IL1RAPL2: variants seen among roughly 807,000 people sequenced by gnomAD.
IL1RAPL2 encodes the protein interleukin 1 receptor accessory protein like 2.
IL1RAPL2 carries 3 observed loss-of-function variants against 44.1 expected under a neutral mutation model. The observed-to-expected ratio is 0.07, with a 90% CI of 0.03 to 0.18. The LOEUF (loss-of-function observed/expected upper bound fraction) is 0.18. IL1RAPL2 is among the 10% of genes least tolerant of loss of function. The pLI is 1.00. For synonymous variants in IL1RAPL2, 181 were observed against 178.8 expected, an observed-to-expected ratio of 1.01 and a Z score of -0.10; for missense variants, 391 against 496.4, an observed-to-expected ratio of 0.79 and a Z score of 2.02.
intron 2 of IL1RAPL2, among the ~76,000 whole-genome samples, chrX:104,717,510 C>G (rs975822929): frequency 9.4e-6 from 1 of 106,263 alleles, no homozygotes; most frequent in African/African-American, 3.4e-5. Context: ...AGGGTTCATA[C>G]AAAAATGGGA....
At chrX:105,713,472 C>A (rs1409959100) in intron 6 of IL1RAPL2, among the ~76,000 whole-genome samples, 1 of 111,598 alleles carries the variant, frequency 9.0e-6, no homozygotes, top group Non-Finnish European at 1.9e-5. Flanking sequence ...TTAAAACCAT[C>A]AGATCTCATG....
intron 2 of IL1RAPL2, among the ~76,000 whole-genome samples, chrX:104,875,618 C>CT (rs1053857617): frequency 1.8e-5 from 2 of 111,372 alleles, no homozygotes; most frequent in South Asian, 3.8e-4. Flanking sequence ...GTCTGGAACT[C>CT]TTTTCCCCCC....
intron 2 of IL1RAPL2, among the ~76,000 whole-genome samples, chrX:104,787,518 A>T: frequency 9.0e-6 from 1 of 111,520 alleles, no homozygotes; most frequent in Non-Finnish European, 1.9e-5. Flanking sequence ...AGAACAGATG[A>T]TGGGGGAGGT....
intron 2 of IL1RAPL2, among the ~76,000 whole-genome samples, chrX:105,038,352 C>T (rs773025179): frequency 3.6e-5 from 4 of 111,829 alleles, no homozygotes; most frequent in Non-Finnish European, 7.5e-5. Context: ...TGCTGGATAT[C>T]ATACTCTCTT....
At chrX:105,201,467 A>G (rs2033717433) in intron 3 of IL1RAPL2, among the ~76,000 whole-genome samples, 1 of 112,198 alleles carries the variant, frequency 8.9e-6, no homozygotes, top group Admixed American at 9.4e-5. Context: ...ACTTGATTTT[A>G]TTGTCACTTA....
intron 2 of IL1RAPL2, among the ~76,000 whole-genome samples, chrX:104,950,384 G>A (rs1478425011): frequency 8.9e-6 from 1 of 112,556 alleles, no homozygotes; most frequent in Non-Finnish European, 1.9e-5. Flanking sequence ...GTCAGACAGG[G>A]ACGTTTAAGT....
chrX:105,702,455 C>T (rs1258552887), intron 6 of IL1RAPL2, among the ~76,000 whole-genome samples: 1 of 112,076 alleles, frequency 8.9e-6, no homozygotes, highest in African/African-American at 3.2e-5. Flanking sequence ...TTATTCCCTA[C>T]ACGAGGTAAA....
chrX:105,159,319 G>T (rs2033300471), intron 2 of IL1RAPL2, among the ~76,000 whole-genome samples: 1 of 111,973 alleles, frequency 8.9e-6, no homozygotes, highest in Non-Finnish European at 1.9e-5. Flanking sequence ...AATTTCAAGT[G>T]CTGATGTTAT....
chrX:105,341,103 A>C (rs1360401175), intron 5 of IL1RAPL2, among the ~76,000 whole-genome samples: 2 of 111,549 alleles, frequency 1.8e-5, no homozygotes, highest in Non-Finnish European at 3.8e-5. Flanking sequence ...TTCAACACAG[A>C]CTTTTTTGTT....
chrX:104,863,053 G>A (rs765926909), intron 2 of IL1RAPL2, among the ~76,000 whole-genome samples: 24 of 111,944 alleles, frequency 2.1e-4, no homozygotes, highest in African/African-American at 7.1e-4. Flanking sequence ...AAAACACAAT[G>A]TTGGCAGTTT....
intron 1 of IL1RAPL2, among the ~76,000 whole-genome samples, chrX:104,632,334 T>A (rs1357055445): frequency 9.0e-6 from 1 of 111,533 alleles, no homozygotes; most frequent in Non-Finnish European, 1.9e-5. Context: ...GGCTCTTTTT[T>A]GGTTCCATAT....
chrX:105,580,568 C>A (rs996385396), intron 6 of IL1RAPL2, among the ~76,000 whole-genome samples: 8 of 110,543 alleles, frequency 7.2e-5, no homozygotes, highest in African/African-American at 2.6e-4. Context: ...CAGAATAGCC[C>A]GAATTCTAAG....
rs371650196 is a variant in IL1RAPL2, at chrX:105,767,088, G to T, written c.1488G>T (p.Met496Ile). ...AACTGGAAAGCAGACTCCATAACAT[G>T]CTAGTCAGTGGAGAAATCAAAGTGA... is the stretch of plus-strand genomic sequence containing the variant. ...IFELESRLHN[M>I]LVSGEIKVIL... The change falls in exon 11 of 11, where the codon ATG becomes ATT. Residue 496 changes from methionine (M) to isoleucine (I), a missense_variant. Met to Ile is a conservative substitution (Grantham distance 10, BLOSUM62 1). Coordinates refer to ENST00000372582, the MANE Select transcript of IL1RAPL2 (RefSeq NM_017416.2). 18 of 1,206,103 alleles carry T rather than the reference G, an allele frequency of 1.5e-5. No individual in the cohort carries two copies. In the African/African-American group the frequency reaches 3.2e-4, roughly 21 times the overall value.
Position 105,229,217 on chromosome X carries a change from A to G in IL1RAPL2, c.357-4601A>G, listed in dbSNP as rs781871378. ...GAACCAGCCTGGGGCATTTTTCAAA[A>G]TAAAATCTAAATAATGCAAGATTGT... is the stretch of plus-strand genomic sequence containing the variant. On this transcript the variant is annotated intron_variant, in intron 3 of 10. Coordinates refer to ENST00000372582, the MANE Select transcript of IL1RAPL2 (RefSeq NM_017416.2). Among the ~76,000 whole-genome samples, 22 of 112,182 alleles carry G rather than the reference A, an allele frequency of 2.0e-4. 1 individual carries two copies. Among genetic ancestry groups the G allele is most frequent in the Non-Finnish European group, 3.9e-4 (21 of 53,258 alleles).
chrX:105,415,976 G>A (rs754476543), intron 5 of IL1RAPL2, among the ~76,000 whole-genome samples: 2 of 111,502 alleles, frequency 1.8e-5, no homozygotes, highest in African/African-American at 3.3e-5. Context: ...TAATAAAAAT[G>A]CCTTAATGTG....
chrX:104,672,927 C>T (rs928275482), intron 2 of IL1RAPL2, among the ~76,000 whole-genome samples: 9 of 111,548 alleles, frequency 8.1e-5, no homozygotes, highest in Non-Finnish European at 1.7e-4. Context: ...GTCCTTCGCC[C>T]ACTTTTTGAT....
At chrX:105,431,565 T>C (rs960828633) in intron 5 of IL1RAPL2, among the ~76,000 whole-genome samples, 3 of 111,475 alleles carry the variant, frequency 2.7e-5, no homozygotes, top group Non-Finnish European at 3.8e-5. Context: ...TGTTTATTTT[T>C]AACCAAGCTT....
chrX:105,137,013 T>C (rs2033082112), intron 2 of IL1RAPL2, among the ~76,000 whole-genome samples: 1 of 111,758 alleles, frequency 8.9e-6, no homozygotes, highest in South Asian at 3.8e-4. Context: ...TAAGCCAAGT[T>C]AGGAATGTGG....
intron 6 of IL1RAPL2, among the ~76,000 whole-genome samples, chrX:105,587,020 T>A (rs1181802732): frequency 1.8e-5 from 2 of 111,605 alleles, no homozygotes; most frequent in Admixed American, 1.9e-4. Context: ...CTCATCTAAT[T>A]TCACTTATTT....
Sources: gnomAD v4.1 joint callset for allele counts (sites outside exome capture counted in the v4.1 genomes callset) on GRCh38, gnomAD v4.1.1 for gene constraint, MANE v1.5 for transcripts, NCBI Gene and HGNC (gene_info 2026-07-23, HGNC 2026-07-21) for gene names.